PTK2: variants seen among roughly 807,000 people sequenced by gnomAD.
PTK2 encodes focal adhesion kinase 1.
Under a neutral mutation model 150.1 loss-of-function variants are expected in PTK2, and 45 were observed. The observed-to-expected ratio is 0.30, with a 90% confidence interval of 0.24 to 0.38. The LOEUF (loss-of-function observed/expected upper bound fraction) is 0.38, where lower values mean the gene tolerates loss of function less well. Ranked by LOEUF, PTK2 falls within the 10% of genes least tolerant of loss-of-function variation. The probability of loss-of-function intolerance (pLI) is 1.00; values close to 1 mark genes in which losing one functional copy is unlikely to be tolerated. For missense variants in PTK2, 919 were observed against 1,307.3 expected, an observed-to-expected ratio of 0.70 and a Z score of 4.58; for synonymous variants, 432 against 449.2, an observed-to-expected ratio of 0.96 and a Z score of 0.48.
At chr8:140,706,933 TA>T (rs2100034144) in intron 23 of PTK2, among the ~76,000 whole-genome samples, 1 of 152,050 alleles carries the variant, frequency 6.6e-6, no homozygotes. Context: ...TCACAATAGA[TA>T]AAAAGGGGGA....
rs1434650966 is a variant in PTK2 at position 140,779,422 on chromosome 8, A to ACC, written c.1177+10051_1177+10052insGG. Among the ~76,000 whole-genome samples the ACC allele has an allele frequency of 3.3e-5, 5 of 152,208 alleles. No individual in the cohort carries two copies. The East Asian group carries it at 9.6e-4, about 29-fold the overall frequency. Reference sequence around the variant, plus strand: ...TTCTGATATGTGAGATTCAAAGCTCATGTTTTTGAGGGAGAGTAGTCTGGA... The same window carrying ACC: ...TTCTGATATGTGAGATTCAAAGCTCACCTGTTTTTGAGGGAGAGTAGTCTGGA... On this transcript the variant is annotated intron_variant, in intron 14 of 31. Coordinates refer to ENST00000522684, the Ensembl canonical transcript of PTK2.
intron 28 of PTK2, among the ~76,000 whole-genome samples, chr8:140,674,735 G>A (rs369760467): frequency 6.0e-5 from 9 of 150,176 alleles, no homozygotes; most frequent in East Asian, 2.0e-4. Flanking sequence ...ACAAAACTCC[G>A]TCTCAAAAAA....
chr8:140,948,350 A>G (rs995129026), intron 1 of PTK2, among the ~76,000 whole-genome samples: 1 of 152,188 alleles, frequency 6.6e-6, no homozygotes, highest in Non-Finnish European at 1.5e-5. Context: ...AAGAAATAAC[A>G]AAAACAAAAT....
intron 3 of PTK2, among the ~76,000 whole-genome samples, chr8:140,887,569 C>T (rs2100152750): frequency 6.6e-6 from 1 of 151,956 alleles, no homozygotes; most frequent in South Asian, 2.1e-4. Context: ...CTTTAAACTC[C>T]TCAAAAAGTT....
chr8:140,997,925 C>A (rs2100198418), intron 1 of PTK2, among the ~76,000 whole-genome samples: 1 of 152,146 alleles, frequency 6.6e-6, no homozygotes, highest in African/African-American at 2.4e-5. Context: ...GGTGACAGAA[C>A]AAGACCTTGT....
intron 2 of PTK2, among the ~76,000 whole-genome samples, chr8:140,917,840 C>T (rs1568865922): frequency 6.6e-6 from 1 of 152,082 alleles, no homozygotes; most frequent in East Asian, 1.9e-4. Flanking sequence ...TATACAAGAC[C>T]AGAAGAAAAG....
intron 15 of PTK2, 153 bp from the exon 19 acceptor site, chr8:140,761,415 C>A: frequency 1.4e-6 from 1 of 702,808 alleles, no homozygotes; most frequent in Non-Finnish European, 2.5e-6. Flanking sequence ...TTCTCTTAAA[C>A]AATATTTTAA....
intron 7 of PTK2, among the ~76,000 whole-genome samples, chr8:140,835,156 G>A (rs2100117955): frequency 6.6e-6 from 1 of 152,180 alleles, no homozygotes; most frequent in African/African-American, 2.4e-5. Flanking sequence ...TCCTGCACGT[G>A]TATTCATATC....
At chr8:140,871,630 C>T (rs994507809) in intron 4 of PTK2, among the ~76,000 whole-genome samples, 1 of 152,200 alleles carries the variant, frequency 6.6e-6, no homozygotes, top group Admixed American at 6.5e-5. Flanking sequence ...AAGACCTTGT[C>T]TCTACTAAAA....
intron 7 of PTK2, among the ~76,000 whole-genome samples, chr8:140,842,491 C>G (rs1434290434): frequency 2.0e-5 from 3 of 152,058 alleles, no homozygotes; most frequent in Non-Finnish European, 4.4e-5. Flanking sequence ...TCTCATCTAA[C>G]TCCTTACGAC....
At chr8:140,756,505 C>T (rs1416608573) in intron 16 of PTK2, among the ~76,000 whole-genome samples, 1 of 151,260 alleles carries the variant, frequency 6.6e-6, no homozygotes, top group Non-Finnish European at 1.5e-5. Context: ...CAAGACCAGC[C>T]TGAACAACGT....
chr8:140,877,697 C>T (rs922188735), intron 4 of PTK2, among the ~76,000 whole-genome samples: 17 of 151,742 alleles, frequency 1.1e-4, no homozygotes, highest in Admixed American at 7.9e-4. Context: ...AGTAGTATCC[C>T]GATCACCCTT....
intron 17 of PTK2, among the ~76,000 whole-genome samples, chr8:140,748,922 A>G (rs577706207): frequency 2.7e-4 from 41 of 152,342 alleles, no homozygotes; most frequent in Non-Finnish European, 5.1e-4. Context: ...AAATGGGGAA[A>G]AATAATTCTG....
chr8:140,748,045 G>A (rs1034753750), intron 17 of PTK2, among the ~76,000 whole-genome samples: 3 of 152,128 alleles, frequency 2.0e-5, no homozygotes, highest in Non-Finnish European at 4.4e-5. Context: ...CCTGAGTGTG[G>A]AGACTATGGT....
chr8:140,676,330 C>T (rs142468746), intron 27 of PTK2, among the ~76,000 whole-genome samples: 1,560 of 151,886 alleles, frequency 0.01, 14 homozygotes, highest in Middle Eastern at 0.034. Context: ...GAGCCAAGAT[C>T]GTGCTACTGC....
chr8:140,852,375 T>C (rs936979501), intron 5 of PTK2, among the ~76,000 whole-genome samples: 2 of 152,182 alleles, frequency 1.3e-5, no homozygotes, highest in African/African-American at 4.8e-5. Context: ...TAGTTCTGTA[T>C]CTTGATTATG....
chr8:140,908,971 T>A (rs1390859583), intron 2 of PTK2: 1 of 152,224 alleles, frequency 6.6e-6, no homozygotes, highest in Non-Finnish European at 1.5e-5. Flanking sequence ...ATCCCAGCAC[T>A]CTGGGATGTC....
intron 14 of PTK2, among the ~76,000 whole-genome samples, chr8:140,788,690 A>C (rs534030013): frequency 4.6e-4 from 70 of 152,336 alleles, no homozygotes; most frequent in African/African-American, 1.6e-3. Flanking sequence ...TCTCAAAAAA[A>C]ACTGATTCAA....
chr8:140,926,440 G>A (rs774851662), intron 1 of PTK2, among the ~76,000 whole-genome samples: 3 of 152,048 alleles, frequency 2.0e-5, no homozygotes, highest in Non-Finnish European at 4.4e-5. Context: ...GGCCTACAAA[G>A]GGTAAATGAA....
Sources: gnomAD v4.1 joint callset for allele counts (sites outside exome capture counted in the v4.1 genomes callset) on GRCh38, gnomAD v4.1.1 for gene constraint, MANE v1.5 for transcripts, NCBI Gene and HGNC (gene_info 2026-07-23, HGNC 2026-07-21) for gene names.